Variants in ZC3H15 observed in about 807,000 individuals in gnomAD.
ZC3H15 encodes zinc finger CCCH-type containing 15.
ZC3H15 carries 15 observed loss-of-function variants against 51.2 expected under a neutral mutation model. The observed-to-expected ratio is 0.29, with a 90% confidence interval of 0.20 to 0.45. ZC3H15 has a LOEUF of 0.45. Ranked by LOEUF, ZC3H15 falls within the 20% of genes least tolerant of loss-of-function variation. The pLI is 1.00. For missense variants in ZC3H15, 381 were observed against 494.7 expected (o/e 0.77, Z 2.18); for synonymous variants, 144 against 162.8 (o/e 0.88, Z 0.88).
intron 2 of ZC3H15, among the ~76,000 whole-genome samples, chr2:186,497,537 C>T (rs1010148398): frequency 2.0e-5 from 3 of 152,180 alleles, no homozygotes; most frequent in Non-Finnish European, 4.4e-5. Flanking sequence ...CCTTAAATAG[C>T]AACCCTGGTC....
chr2:186,504,580 A>T (rs965552654), intron 6 of ZC3H15, among the ~76,000 whole-genome samples: 6 of 152,198 alleles, frequency 3.9e-5, no homozygotes, highest in African/African-American at 1.4e-4. Context: ...AGTTATTAGC[A>T]TATGTACGGA....
Position 186,486,324 on chromosome 2 carries a change from C to A in ZC3H15, c.-59C>A, listed in dbSNP as rs370694339. The A allele has an allele frequency of 2.1e-6, 3 of 1,463,098 alleles. No homozygotes were observed. Among genetic ancestry groups the A allele is most frequent in the Non-Finnish European group, 2.7e-6 (3 of 1,096,452 alleles). The allele number at this position is 1,463,098 out of a possible 1,614,324, so 90.6% of individuals were successfully genotyped here. The stretch of plus-strand genomic sequence containing the variant: ...CTTCCTCCTCGTCCTGCCGCAGGGC[C>A]AGAACCCCTGACGGTATTCAGCTGC... On this transcript the variant is annotated 5_prime_UTR_variant, in exon 1 of 10. Coordinates refer to ENST00000337859, the MANE Select transcript of ZC3H15 (RefSeq NM_018471.3).
chr2:186,486,741 GTT>G, intron 1 of ZC3H15: 1 of 375,844 alleles, frequency 2.7e-6, no homozygotes. Flanking sequence ...CTGGCACAGG[GTT>G]TTATCCTTCG....
chr2:186,496,655 A>G (rs1439540964), intron 2 of ZC3H15, among the ~76,000 whole-genome samples: 1 of 152,218 alleles, frequency 6.6e-6, no homozygotes, highest in Non-Finnish European at 1.5e-5. Context: ...TCATTGTGCA[A>G]ATATCATAGA....
chr2:186,506,669 C>T, intron 8 of ZC3H15, 44 bp from the exon 9 acceptor site: 2 of 1,564,856 alleles, frequency 1.3e-6, no homozygotes, highest in Non-Finnish European at 1.7e-6. Flanking sequence ...TAAAAGAAAA[C>T]TGTTCTTATT....
intron 1 of ZC3H15, among the ~76,000 whole-genome samples, chr2:186,487,631 CATCTGT>C (rs1163005927): frequency 6.6e-6 from 1 of 152,192 alleles, no homozygotes; most frequent in Non-Finnish European, 1.5e-5. Flanking sequence ...ATTACCTTCA[CATCTGT>C]GTTTTCTATT....
chr2:186,488,391 C>T (rs1372834306), intron 1 of ZC3H15, among the ~76,000 whole-genome samples: 1 of 152,170 alleles, frequency 6.6e-6, no homozygotes, highest in Non-Finnish European at 1.5e-5. Flanking sequence ...TTAGTTTTTA[C>T]CACTCTAGGA....
At chr2:186,500,410 T>C in intron 3 of ZC3H15, 117 bp downstream of exon 3, 1 of 909,714 alleles carries the variant, frequency 1.1e-6, no homozygotes, top group Middle Eastern at 2.5e-4. Context: ...AATGAAAATG[T>C]TACTCCATCA....
chr2:186,500,710 C>G, intron 3 of ZC3H15: 1 of 455,370 alleles, frequency 2.2e-6, no homozygotes, highest in Middle Eastern at 6.6e-4. Flanking sequence ...GATTGTTGCT[C>G]TGTCACCAGG....
In ZC3H15 at chr2:186,486,309, G is replaced by A. The variant is rs559601097; in HGVS notation, c.-74G>A. 7.2e-7 allele frequency: 1 copy of A among 1,383,626 alleles called. No homozygotes were observed. The highest frequency in any genetic ancestry group is 9.5e-7 in the Non-Finnish European group (1 of 1,051,484). 85.7% of individuals were successfully genotyped at this position (1,383,626 alleles called of 1,614,324 possible). On this transcript the variant is annotated 5_prime_UTR_variant, in exon 1 of 10. Coordinates refer to ENST00000337859, the MANE Select transcript of ZC3H15 (RefSeq NM_018471.3). Reference sequence around the variant, plus strand: ...GAGTGAGGCCCCGGTCTTCCTCCTCGTCCTGCCGCAGGGCCAGAACCCCTG... The same window carrying A: ...GAGTGAGGCCCCGGTCTTCCTCCTCATCCTGCCGCAGGGCCAGAACCCCTG...
chr2:186,490,093 T>C (rs1272517182), intron 1 of ZC3H15, among the ~76,000 whole-genome samples: 1 of 152,126 alleles, frequency 6.6e-6, no homozygotes, highest in African/African-American at 2.4e-5. Flanking sequence ...CTCCATTTTT[T>C]AATATTGCCT....
chr2:186,498,415 T>G (rs1405467925), intron 2 of ZC3H15, among the ~76,000 whole-genome samples: 3 of 152,238 alleles, frequency 2.0e-5, no homozygotes, highest in Admixed American at 2.0e-4. Context: ...TGAACTTGAT[T>G]TCTAATTTTA....
chr2:186,502,024 A>T (rs1384530801), intron 4 of ZC3H15, among the ~76,000 whole-genome samples: 1 of 151,894 alleles, frequency 6.6e-6, no homozygotes, highest in African/African-American at 2.4e-5. Flanking sequence ...GAATAATCTT[A>T]AAACTATTTA....
At chr2:186,498,826 A>G (rs1483018392) in intron 2 of ZC3H15, among the ~76,000 whole-genome samples, 16 of 152,128 alleles carry the variant, frequency 1.1e-4, no homozygotes, top group Admixed American at 1.0e-3. Context: ...TAAGTACCAT[A>G]TACCCAAAGT....
chr2:186,494,259 A>G (rs1685246655), intron 1 of ZC3H15, among the ~76,000 whole-genome samples: 1 of 152,278 alleles, frequency 6.6e-6, no homozygotes, highest in South Asian at 2.1e-4. Flanking sequence ...TTTAATTTAC[A>G]TACTTTTAGT....
At chr2:186,503,678 G>A (rs1685423499) in intron 5 of ZC3H15, among the ~76,000 whole-genome samples, 1 of 152,176 alleles carries the variant, frequency 6.6e-6, no homozygotes, top group South Asian at 2.1e-4. Context: ...ACAACGCCTG[G>A]CCTGATTTTA....
In ZC3H15 at chr2:186,508,800, T is replaced by C; in HGVS notation, c.*67T>C. ...AGTTGAAATTGACTACATTAATTTC[T>C]TTCCACCTAGAATCAACAGGATGTT... On this transcript the variant is annotated 3_prime_UTR_variant, in exon 10 of 10. Coordinates refer to ENST00000337859, the MANE Select transcript of ZC3H15 (RefSeq NM_018471.3). The C allele has an allele frequency of 5.3e-6, 8 of 1,511,614 alleles. No homozygotes were observed. The highest frequency in any genetic ancestry group is 6.4e-6 in the Non-Finnish European group (7 of 1,101,604). 93.6% of individuals were successfully genotyped at this position (1,511,614 alleles called of 1,614,324 possible).
At chr2:186,502,162 C>T (rs577186320) in intron 4 of ZC3H15, among the ~76,000 whole-genome samples, 1 of 152,052 alleles carries the variant, frequency 6.6e-6, no homozygotes, top group South Asian at 2.1e-4. Flanking sequence ...CCAGCATAGG[C>T]AACATAATGA....
chr2:186,509,100 G>GT lies in ZC3H15; in HGVS notation c.*372dup, dbSNP rs1397046719. 2.2e-6 allele frequency: 1 copy of GT among 458,622 alleles called. No homozygotes were observed. Among genetic ancestry groups the GT allele is most frequent in the Non-Finnish European group, 4.4e-6 (1 of 229,184 alleles). The allele number at this position is 458,622 out of a possible 1,614,324, so 28.4% of individuals were successfully genotyped here. On this transcript the variant is annotated 3_prime_UTR_variant, in exon 10 of 10. Transcript: ENST00000337859. ...TTTAAAATACCCTTCATTTGACACA[G>GT]TTTTTAATGAGTGATTTAATTTCCT...
Sources: allele counts gnomAD v4.1 joint callset (sites outside exome capture counted in the v4.1 genomes callset), GRCh38; gene constraint gnomAD v4.1.1; transcripts MANE v1.5; gene names NCBI Gene and HGNC (gene_info 2026-07-23, HGNC 2026-07-21).